Variants in SLC14A2 observed in about 807,000 individuals in gnomAD.
SLC14A2 encodes the protein urea transporter 2.
SLC14A2 carries 91 observed loss-of-function variants against 104.6 expected under a neutral mutation model. The observed-to-expected ratio is 0.87, with a 90% confidence interval of 0.73 to 1.04. The LOEUF (loss-of-function observed/expected upper bound fraction) is 1.04, where lower values mean the gene tolerates loss of function less well. SLC14A2 is among the 50% of genes least tolerant of loss of function. The pLI is 0.00. For synonymous variants in SLC14A2, 476 were observed against 466.4 expected (o/e 1.02, Z -0.27); for missense variants, 1,189 against 1,156.0 (o/e 1.03, Z -0.41).
intron 2 of SLC14A2, among the ~76,000 whole-genome samples, chr18:45,589,485 A>G (rs2044617000): frequency 6.6e-6 from 1 of 152,210 alleles, no homozygotes; most frequent in Non-Finnish European, 1.5e-5. Flanking sequence ...TAGTGTTTCC[A>G]TATGGAATTC....
intron 1 of SLC14A2, among the ~76,000 whole-genome samples, chr18:45,623,629 G>A (rs1307435007): frequency 6.6e-6 from 1 of 152,172 alleles, no homozygotes; most frequent in Admixed American, 6.5e-5. Context: ...AAATTAGATA[G>A]GGGACTTTAT....
At chr18:45,404,170 TTA>T (rs1292586527) in intron 1 of SLC14A2, among the ~76,000 whole-genome samples, 1 of 152,232 alleles carries the variant, frequency 6.6e-6, no homozygotes, top group African/African-American at 2.4e-5. Context: ...TACCTCAGTG[TTA>T]TATGTGTCCA....
rs73952833 is a variant in SLC14A2, at chr18:45,280,109, A to C, written c.-125+66918A>C. On this transcript the variant is annotated intron_variant, in intron 1 of 20. Coordinates refer to the SLC14A2 transcript ENST00000586448. Reference sequence around the variant, plus strand: ...TTGTGCTGCGTACTGTTCACTCCTCAAACCAGGAAACTGAGGCTCCAAGAC... The same window carrying C: ...TTGTGCTGCGTACTGTTCACTCCTCCAACCAGGAAACTGAGGCTCCAAGAC... Among the ~76,000 whole-genome samples, 974 of 152,284 alleles carry C rather than the reference A, an allele frequency of 6.4e-3. 10 individuals carry two copies. The highest frequency in any genetic ancestry group is 0.022 in the African/African-American group (905 of 41,558).
chr18:45,646,402 T>A (rs995221577), intron 10 of SLC14A2: 9 of 152,046 alleles, frequency 5.9e-5, no homozygotes, highest in Non-Finnish European at 1.0e-4. Flanking sequence ...CAGATTCAAT[T>A]ACCCAAAATG....
At chr18:45,259,031 G>C (rs1462820474) in intron 1 of SLC14A2, among the ~76,000 whole-genome samples, 1 of 152,184 alleles carries the variant, frequency 6.6e-6, no homozygotes, top group East Asian at 1.9e-4. Flanking sequence ...ACTCACACGT[G>C]GATTTCCCTG....
intron 1 of SLC14A2, among the ~76,000 whole-genome samples, chr18:45,238,979 T>C (rs140083446): frequency 4.2e-4 from 64 of 152,226 alleles, no homozygotes; most frequent in African/African-American, 1.5e-3. Context: ...ACAAAGACAC[T>C]ATTAGCATAT....
At chr18:45,460,281 G>C (rs2087020545) in intron 1 of SLC14A2, among the ~76,000 whole-genome samples, 1 of 152,158 alleles carries the variant, frequency 6.6e-6, no homozygotes, top group Admixed American at 6.5e-5. Flanking sequence ...ATGGTCCTCT[G>C]TGAATCACAC....
At chr18:45,432,926 T>C (rs913356918) in intron 1 of SLC14A2, among the ~76,000 whole-genome samples, 5 of 152,202 alleles carry the variant, frequency 3.3e-5, no homozygotes, top group African/African-American at 1.2e-4. Context: ...TTTTGTGCAA[T>C]AAATAAATAG....
intron 2 of SLC14A2, chr18:45,492,214 G>A (rs1020379734): frequency 1.3e-5 from 2 of 152,194 alleles, no homozygotes; most frequent in African/African-American, 2.4e-5. Context: ...CTTTCCTGGA[G>A]GCCCTTAACT....
intron 2 of SLC14A2, among the ~76,000 whole-genome samples, chr18:45,549,815 A>C (rs1302510994): frequency 6.6e-6 from 1 of 152,224 alleles, no homozygotes; most frequent in Non-Finnish European, 1.5e-5. Context: ...TATGAGCCTC[A>C]TAACCATCCA....
At chr18:45,425,319 C>T (rs895027817) in intron 1 of SLC14A2, among the ~76,000 whole-genome samples, 12 of 152,168 alleles carry the variant, frequency 7.9e-5, no homozygotes, top group African/African-American at 2.9e-4. Context: ...CATGGCATGG[C>T]TATAACAACA....
intron 1 of SLC14A2, among the ~76,000 whole-genome samples, chr18:45,338,165 CT>C (rs1486011820): frequency 2.6e-5 from 4 of 152,112 alleles, no homozygotes; most frequent in East Asian, 1.9e-4. Flanking sequence ...ACCACTACCC[CT>C]GATTCAAGTT....
intron 1 of SLC14A2, among the ~76,000 whole-genome samples, chr18:45,478,688 T>G (rs1283164265): frequency 6.6e-6 from 1 of 152,088 alleles, no homozygotes; most frequent in Non-Finnish European, 1.5e-5. Flanking sequence ...TCCAGTAGCA[T>G]CTCTCTAGTT....
intron 2 of SLC14A2, among the ~76,000 whole-genome samples, chr18:45,570,449 G>A (rs909880999): frequency 5.3e-5 from 8 of 152,208 alleles, no homozygotes; most frequent in African/African-American, 1.9e-4. Flanking sequence ...ACCAGAATCT[G>A]AGAGTGAGAA....
chr18:45,213,230 G>A (rs980674353), intron 1 of SLC14A2: 1 of 152,144 alleles, frequency 6.6e-6, no homozygotes, highest in African/African-American at 2.4e-5. Flanking sequence ...CATGTCTTCA[G>A]GATCTAGAAG....
intron 2 of SLC14A2, among the ~76,000 whole-genome samples, chr18:45,501,586 G>T (rs975320669): frequency 1.3e-5 from 2 of 152,178 alleles, no homozygotes; most frequent in Non-Finnish European, 2.9e-5. Flanking sequence ...CATGTCCCTG[G>T]CAAAGATGCA....
At chr18:45,311,418 A>G (rs142736737) in intron 1 of SLC14A2, among the ~76,000 whole-genome samples, 4 of 152,324 alleles carry the variant, frequency 2.6e-5, no homozygotes, top group African/African-American at 9.6e-5. Flanking sequence ...GAGCACAGAA[A>G]GGTTAAAAGA....
rs116480253 is a variant in SLC14A2 at position 45,552,826 on chromosome 18, G to A, written c.-35+69504G>A. Among the ~76,000 whole-genome samples the A allele has an allele frequency of 5.7e-3, 871 of 152,312 alleles. 12 individuals carry two copies. The highest frequency in any genetic ancestry group is 0.02 in the African/African-American group (815 of 41,558). ...GAACAGCAGGGATCTGCAGAGCTGG[G>A]GGAAAGAAAGCAAAGGGGAGGACAA... On this transcript the variant is annotated intron_variant, in intron 2 of 20. Coordinates refer to the SLC14A2 transcript ENST00000586448.
chr18:45,556,462 G>T (rs1484982286), intron 2 of SLC14A2, among the ~76,000 whole-genome samples: 1 of 152,154 alleles, frequency 6.6e-6, no homozygotes, highest in Non-Finnish European at 1.5e-5. Context: ...TTTATGCCTT[G>T]TGTAGATACC....
Sources: allele counts gnomAD v4.1 joint callset (sites outside exome capture counted in the v4.1 genomes callset), GRCh38; gene constraint gnomAD v4.1.1; transcripts MANE v1.5; gene names NCBI Gene and HGNC (gene_info 2026-07-23, HGNC 2026-07-21).